The following FRMD5 variants were observed in gnomAD, a reference collection of about 807,000 sequenced individuals.
FRMD5 encodes FERM domain-containing protein 5.
A neutral mutation model predicts 69.0 loss-of-function variants in FRMD5; 20 were observed. That is an observed-to-expected ratio of 0.29 (90% CI 0.20 to 0.42). The LOEUF (loss-of-function observed/expected upper bound fraction) is 0.42, where lower values mean the gene tolerates loss of function less well. FRMD5 is among the 10% of genes least tolerant of loss of function. The pLI, the probability that FRMD5 is intolerant of heterozygous loss-of-function variation, is 1.00. For missense variants in FRMD5, 595 were observed against 708.6 expected (o/e 0.84, Z 1.82); for synonymous variants, 271 against 260.1 (o/e 1.04, Z -0.40).
intron 1 of FRMD5, among the ~76,000 whole-genome samples, chr15:44,170,768 C>T (rs1391043211): frequency 2.0e-5 from 3 of 152,108 alleles, no homozygotes; most frequent in South Asian, 2.1e-4. Context: ...TCTGCTACTC[C>T]ACAAGGCGTT....
intron 1 of FRMD5, among the ~76,000 whole-genome samples, chr15:44,185,677 CA>C (rs1174732892): frequency 6.6e-6 from 1 of 151,884 alleles, no homozygotes; most frequent in Non-Finnish European, 1.5e-5. Context: ...CCTGTAATCC[CA>C]GCTACTCAGG....
chr15:43,875,822 TTTTTTC>T, intron 13 of FRMD5: 4 of 388,660 alleles, frequency 1.0e-5, no homozygotes, highest in South Asian at 5.0e-5. Context: ...TTTTTTTTTT[TTTTTTC>T]TTTCAGTCTT....
intron 1 of FRMD5, among the ~76,000 whole-genome samples, chr15:44,078,475 T>A (rs1266194342): frequency 1.3e-5 from 2 of 152,058 alleles, no homozygotes. Context: ...GTCAAAACAA[T>A]CTTATAAAAG....
chr15:44,176,749 T>G (rs796765162), intron 1 of FRMD5, among the ~76,000 whole-genome samples: 4 of 152,176 alleles, frequency 2.6e-5, no homozygotes, highest in African/African-American at 9.6e-5. Flanking sequence ...CAAAAAGATA[T>G]ACAAATGGCC....
At chr15:44,111,530 C>T (rs564407253) in intron 1 of FRMD5, among the ~76,000 whole-genome samples, 124 of 152,310 alleles carry the variant, frequency 8.1e-4, no homozygotes, top group Middle Eastern at 3.4e-3. Context: ...CCTTGGAAGG[C>T]TCACTGCGTA....
chr15:44,167,838 G>A (rs1327740477), intron 1 of FRMD5, among the ~76,000 whole-genome samples: 1 of 152,202 alleles, frequency 6.6e-6, no homozygotes, highest in East Asian at 1.9e-4. Context: ...TGATCCACCT[G>A]CCTCGGCCTC....
At chr15:44,193,604 G>A (rs1400506191) in intron 1 of FRMD5, among the ~76,000 whole-genome samples, 2 of 152,180 alleles carry the variant, frequency 1.3e-5, no homozygotes, top group Admixed American at 1.3e-4. Flanking sequence ...TATTTAAGTA[G>A]CCTTAAAAAG....
intron 1 of FRMD5, among the ~76,000 whole-genome samples, chr15:44,189,389 A>T (rs2078156360): frequency 6.6e-6 from 1 of 152,066 alleles, no homozygotes. Context: ...TTTTAGCCTG[A>T]TGGAGAAACT....
At chr15:44,099,540 G>A (rs184176854) in intron 1 of FRMD5, among the ~76,000 whole-genome samples, 1 of 152,306 alleles carries the variant, frequency 6.6e-6, no homozygotes, top group East Asian at 1.9e-4. Flanking sequence ...ATGGGTTCTG[G>A]AGAATGGAAG....
At chr15:44,016,841 T>TA (rs1890983444) in intron 1 of FRMD5, among the ~76,000 whole-genome samples, 1 of 150,256 alleles carries the variant, frequency 6.7e-6, no homozygotes, top group Non-Finnish European at 1.5e-5. Flanking sequence ...TTCACATAAT[T>TA]TTTTTTTTTT....
chr15:44,132,266 C>A (rs2077112348), intron 1 of FRMD5, among the ~76,000 whole-genome samples: 1 of 152,220 alleles, frequency 6.6e-6, no homozygotes, highest in Admixed American at 6.5e-5. Flanking sequence ...CCACCACTCA[C>A]CTCTTGCCGT....
intron 1 of FRMD5, among the ~76,000 whole-genome samples, chr15:44,113,390 C>A (rs1455849649): frequency 2.6e-5 from 4 of 152,102 alleles, no homozygotes; most frequent in South Asian, 2.1e-4. Context: ...TTGTTTTTCA[C>A]TTTTTAATTT....
chr15:44,054,064 C>T (rs1029355698), intron 1 of FRMD5, among the ~76,000 whole-genome samples: 2 of 152,186 alleles, frequency 1.3e-5, no homozygotes, highest in Non-Finnish European at 1.5e-5. Context: ...ATAAAAAACA[C>T]TCCTATGGAA....
intron 1 of FRMD5, among the ~76,000 whole-genome samples, chr15:44,171,513 C>G (rs1232763857): frequency 6.6e-6 from 1 of 152,192 alleles, no homozygotes; most frequent in East Asian, 1.9e-4. Flanking sequence ...ATAATACACA[C>G]TGAGAATGCT....
intron 1 of FRMD5, among the ~76,000 whole-genome samples, chr15:44,184,476 T>A (rs2078065621): frequency 6.6e-6 from 1 of 152,190 alleles, no homozygotes; most frequent in African/African-American, 2.4e-5. Flanking sequence ...AAAAATGAAC[T>A]TAAAGTACAC....
intron 1 of FRMD5, among the ~76,000 whole-genome samples, chr15:44,035,425 C>T (rs1595652934): frequency 6.6e-6 from 1 of 152,158 alleles, no homozygotes; most frequent in Non-Finnish European, 1.5e-5. Context: ...AGAAGCAACA[C>T]GTCAGACTTT....
rs746295786 is a variant in FRMD5 at position 43,884,705 on chromosome 15, G to A, written c.1028+22C>T. ...TGGGATCTGAGCTACAACTGTTTGG[G>A]GGGAAGCCCCTGGCAGCCTACCTGT... On this transcript the variant is annotated intron_variant, in intron 12 of 13. Coordinates refer to ENST00000417257, the MANE Select transcript of FRMD5 (RefSeq NM_032892.5). 1.9e-6 allele frequency: 3 copies of A among 1,609,272 alleles called. No individual in the cohort carries two copies. The Admixed American group carries it at 5.0e-5, about 27-fold the overall frequency.
chr15:44,063,730 A>T, intron 1 of FRMD5: 1 of 332,694 alleles, frequency 3.0e-6, no homozygotes. Context: ...TGGAAATGCC[A>T]TCATCATCTT....
chr15:44,069,533 G>C (rs1893445805), intron 1 of FRMD5, among the ~76,000 whole-genome samples: 1 of 151,968 alleles, frequency 6.6e-6, no homozygotes, highest in South Asian at 2.1e-4. Flanking sequence ...TTAATCTTCA[G>C]GAAATTATGT....
Sources: allele counts gnomAD v4.1 joint callset (sites outside exome capture counted in the v4.1 genomes callset), GRCh38; gene constraint gnomAD v4.1.1; transcripts MANE v1.5; gene names NCBI Gene and HGNC (gene_info 2026-07-23, HGNC 2026-07-21).